THSD7B: variants seen among roughly 807,000 people sequenced by gnomAD.
THSD7B encodes the protein thrombospondin type 1 domain containing 7B, also known as thrombospondin type-1 domain-containing protein 7B.
In THSD7B, 138 loss-of-function variants were observed where a neutral mutation model predicts 213.6. The ratio of observed to expected loss-of-function variants is 0.65; its 90% confidence interval spans 0.56 to 0.74. The LOEUF is 0.74. Among genes scored for constraint, THSD7B ranks in the 30% least tolerant of loss-of-function variants. The pLI, the probability that THSD7B is intolerant of heterozygous loss-of-function variation, is 0.00. For missense variants in THSD7B, 1,931 were observed against 1,991.5 expected (o/e 0.97, Z 0.58); for synonymous variants, 742 against 687.0 (o/e 1.08, Z -1.25).
At chr2:137,114,287 A>C (rs2104937711) in intron 4 of THSD7B, among the ~76,000 whole-genome samples, 1 of 152,336 alleles carries the variant, frequency 6.6e-6, no homozygotes, top group East Asian at 1.9e-4. Context: ...GCAAGGTTAT[A>C]CTACTGCTGT....
At chr2:136,851,189 G>A (rs1022705118) in intron 1 of THSD7B, among the ~76,000 whole-genome samples, 4 of 151,976 alleles carry the variant, frequency 2.6e-5, no homozygotes, top group East Asian at 1.9e-4. Flanking sequence ...TTGAGGATTC[G>A]TATATTTCCT....
chr2:137,260,213 A>T (rs1430044304), intron 10 of THSD7B, among the ~76,000 whole-genome samples: 1 of 152,240 alleles, frequency 6.6e-6, no homozygotes, highest in East Asian at 1.9e-4. Flanking sequence ...ATATTTATTA[A>T]TAATTTAAGA....
chr2:136,848,407 T>A (rs535055572), intron 1 of THSD7B, among the ~76,000 whole-genome samples: 2 of 152,276 alleles, frequency 1.3e-5, no homozygotes, highest in African/African-American at 4.8e-5. Context: ...GTGCTGTTGA[T>A]GCTGCAGGTC....
chr2:137,471,840 G>T (rs1050893442), intron 15 of THSD7B, among the ~76,000 whole-genome samples: 31 of 152,120 alleles, frequency 2.0e-4, no homozygotes, highest in African/African-American at 7.5e-4. Flanking sequence ...CTTCTGTGCT[G>T]AGGGCAAAAG....
intron 1 of THSD7B, among the ~76,000 whole-genome samples, chr2:136,781,715 G>T (rs970325044): frequency 1.3e-5 from 2 of 151,810 alleles, no homozygotes; most frequent in Non-Finnish European, 2.9e-5. Context: ...GGCCTTCTCC[G>T]CAACCACATT....
At chr2:136,878,552 T>C (rs1683562477) in intron 1 of THSD7B, among the ~76,000 whole-genome samples, 1 of 152,086 alleles carries the variant, frequency 6.6e-6, no homozygotes, top group South Asian at 2.1e-4. Flanking sequence ...AAAGTGTTCC[T>C]ATTTCTCCAC....
intron 2 of THSD7B, among the ~76,000 whole-genome samples, chr2:136,932,485 G>T (rs894027972): frequency 6.8e-6 from 1 of 148,030 alleles, no homozygotes; most frequent in Non-Finnish European, 1.5e-5. Flanking sequence ...TAACTAATAG[G>T]CTATGGTTGA....
At chr2:136,990,860 C>A in intron 2 of THSD7B, 1 of 1,326,976 alleles carries the variant, frequency 7.5e-7, no homozygotes, top group African/African-American at 1.5e-5. Flanking sequence ...TTAAAATTCC[C>A]TTTAAGAAGT....
At chr2:136,797,620 T>G (rs1157831961) in intron 1 of THSD7B, among the ~76,000 whole-genome samples, 4 of 152,004 alleles carry the variant, frequency 2.6e-5, no homozygotes, top group African/African-American at 9.7e-5. Context: ...TACAATTTCA[T>G]GCACATTTTA....
chr2:137,482,690 T>A (rs1414323728), intron 15 of THSD7B, among the ~76,000 whole-genome samples: 1 of 152,174 alleles, frequency 6.6e-6, no homozygotes, highest in Non-Finnish European at 1.5e-5. Flanking sequence ...AACTGTTTTT[T>A]TTTTTTCCCT....
intron 12 of THSD7B, among the ~76,000 whole-genome samples, chr2:137,361,745 A>C (rs1685267299): frequency 1.3e-5 from 2 of 152,310 alleles, no homozygotes; most frequent in East Asian, 1.9e-4. Flanking sequence ...AAAAGACCAA[A>C]TCTACGTTTG....
intron 1 of THSD7B, among the ~76,000 whole-genome samples, chr2:136,789,687 A>G (rs762776717): frequency 1.3e-4 from 20 of 152,116 alleles, no homozygotes; most frequent in Non-Finnish European, 2.6e-4. Context: ...ACAACTTGAT[A>G]TGTGACATTT....
intron 1 of THSD7B, among the ~76,000 whole-genome samples, chr2:136,814,038 T>C (rs538726030): frequency 6.6e-6 from 1 of 152,290 alleles, no homozygotes; most frequent in South Asian, 2.1e-4. Flanking sequence ...AATATCCCCC[T>C]GTGTTCTGTT....
At chr2:136,878,104 T>G (rs997318074) in intron 1 of THSD7B, among the ~76,000 whole-genome samples, 5 of 152,174 alleles carry the variant, frequency 3.3e-5, no homozygotes, top group African/African-American at 7.2e-5. Context: ...CAGTGTGTGA[T>G]GTTCTCCTTC....
At chr2:137,207,366 T>C (rs1201012724) in intron 7 of THSD7B, among the ~76,000 whole-genome samples, 1 of 152,066 alleles carries the variant, frequency 6.6e-6, no homozygotes, top group Non-Finnish European at 1.5e-5. Context: ...ACTACATTCC[T>C]TTTCTGTCAA....
intron 2 of THSD7B, among the ~76,000 whole-genome samples, chr2:137,028,728 A>C (rs1686601653): frequency 6.6e-6 from 1 of 152,228 alleles, no homozygotes. Flanking sequence ...CAAGGTGGGC[A>C]ACCTACCGCA....
intron 12 of THSD7B, among the ~76,000 whole-genome samples, chr2:137,324,323 A>G (rs2104883478): frequency 6.6e-6 from 1 of 152,298 alleles, no homozygotes; most frequent in South Asian, 2.1e-4. Context: ...AAATGACAGA[A>G]GATACTGTAT....
At chr2:136,946,746 C>G (rs764999405) in intron 2 of THSD7B, among the ~76,000 whole-genome samples, 3 of 152,206 alleles carry the variant, frequency 2.0e-5, no homozygotes, top group Non-Finnish European at 4.4e-5. Flanking sequence ...CAGTCTACTG[C>G]GCTAGCAGTG....
At chr2:136,899,882 T>G (rs1193368408) in intron 2 of THSD7B, among the ~76,000 whole-genome samples, 1 of 152,190 alleles carries the variant, frequency 6.6e-6, no homozygotes, top group African/African-American at 2.4e-5. Context: ...AGCTGGCAGG[T>G]TCAATAGTGC....
Sources: gnomAD v4.1 joint callset for allele counts (sites outside exome capture counted in the v4.1 genomes callset) on GRCh38, gnomAD v4.1.1 for gene constraint, MANE v1.5 for transcripts, NCBI Gene and HGNC (gene_info 2026-07-23, HGNC 2026-07-21) for gene names.